GTF2IRD1: variants seen among roughly 807,000 people sequenced by gnomAD.
GTF2IRD1 encodes the protein GTF2I repeat domain containing 1.
GTF2IRD1 carries 26 observed loss-of-function variants against 113.2 expected under a neutral mutation model. That is an observed-to-expected ratio of 0.23 (90% CI 0.17 to 0.32). The LOEUF (loss-of-function observed/expected upper bound fraction) is 0.32. Among genes scored for constraint, GTF2IRD1 ranks in the 10% least tolerant of loss-of-function variants. The pLI is 1.00. For missense variants in GTF2IRD1, 864 were observed against 1,280.8 expected (o/e 0.67, Z 4.97); for synonymous variants, 484 against 529.1 (o/e 0.91, Z 1.17).
At chr7:74,539,160 A>C (rs1205833555) in intron 13 of GTF2IRD1, among the ~76,000 whole-genome samples, 1 of 152,166 alleles carries the variant, frequency 6.6e-6, no homozygotes, top group African/African-American at 2.4e-5. Context: ...AGAAGCCAAG[A>C]GGGTGCTGGG....
rs546537377 is a variant in GTF2IRD1 at position 74,508,930 on chromosome 7, G to T, written c.123+727G>T. On this transcript the variant is annotated intron_variant, in intron 2 of 26. Coordinates refer to ENST00000424337, the MANE Select transcript of GTF2IRD1 (RefSeq NM_005685.4). The stretch of plus-strand genomic sequence containing the variant: ...GGCAGGAAGAGAGAAACCGAGCTTT[G>T]TATAATACATCACTCCCCTGGCGCT... 3.3e-5 allele frequency among the ~76,000 whole-genome samples: 5 copies of T among 152,224 alleles called. No homozygotes were observed. In the East Asian group the frequency reaches 9.7e-4, roughly 29 times the overall value.
In GTF2IRD1 at chr7:74,496,594, GTGTGGGTGTGCATGTA is replaced by G. The variant is rs1462364597; in HGVS notation, c.-6-11469_-6-11454del. On this transcript the variant is annotated intron_variant, in intron 1 of 26. Coordinates refer to ENST00000424337, the MANE Select transcript of GTF2IRD1 (RefSeq NM_005685.4). ...TGTGGGTGTGCATGTGTGTGGGTGG[GTGTGGGTGTGCATGTA>G]TGTGGGTGTGCGTGTGGGTGTGCAT... is the stretch of plus-strand genomic sequence containing the variant. Among the ~76,000 whole-genome samples, 6 of 148,622 alleles carry G rather than the reference GTGTGGGTGTGCATGTA, an allele frequency of 4.0e-5. No homozygotes were observed. In the East Asian group the frequency reaches 1.0e-3, roughly 25 times the overall value.
chr7:74,462,281 A>G (rs1216331702), intron 1 of GTF2IRD1, among the ~76,000 whole-genome samples: 3 of 152,132 alleles, frequency 2.0e-5, no homozygotes, highest in African/African-American at 4.8e-5. Flanking sequence ...AGGCAGGAGG[A>G]TTGCTTGACC....
At chr7:74,527,715 G>A (rs782510353) in intron 8 of GTF2IRD1, among the ~76,000 whole-genome samples, 11 of 152,050 alleles carry the variant, frequency 7.2e-5, no homozygotes, top group Non-Finnish European at 1.5e-4. Context: ...GGTGGCACAC[G>A]CCTGTAATCC....
intron 4 of GTF2IRD1, 129 bp from the exon 5 acceptor site, chr7:74,518,010 G>A (rs1001537926): frequency 7.1e-6 from 4 of 560,064 alleles, no homozygotes; most frequent in Non-Finnish European, 1.2e-5. Flanking sequence ...CTGCAGTTAT[G>A]AGGGGTCCAT....
chr7:74,503,164 C>G (rs1796122001), intron 1 of GTF2IRD1, among the ~76,000 whole-genome samples: 1 of 124,860 alleles, frequency 8.0e-6, no homozygotes, highest in Non-Finnish European at 1.7e-5. Flanking sequence ...GAGACTCCAT[C>G]TCAAAAAAAA....
At chr7:74,454,286 C>A (rs1554326536) in intron 1 of GTF2IRD1, 110 bp downstream of exon 1, 1 of 151,760 alleles carries the variant, frequency 6.6e-6, no homozygotes, top group Non-Finnish European at 1.5e-5. Flanking sequence ...GCCCCTCCCC[C>A]TCTCAAGGTG....
intron 22 of GTF2IRD1, among the ~76,000 whole-genome samples, chr7:74,576,953 G>GCAAAGAT (rs1801112421): frequency 1.3e-5 from 2 of 152,038 alleles, no homozygotes; most frequent in African/African-American, 4.8e-5. Flanking sequence ...ATGAATCCAT[G>GCAAAGAT]CAAAGATCAA....
At chr7:74,554,250 C>T (rs1361517601) in intron 17 of GTF2IRD1, among the ~76,000 whole-genome samples, 4 of 152,182 alleles carry the variant, frequency 2.6e-5, no homozygotes, top group Admixed American at 2.6e-4. Context: ...TCCCAGTGTC[C>T]TCTACCCACC....
chr7:74,542,117 G>C (rs1798670475), intron 14 of GTF2IRD1, among the ~76,000 whole-genome samples: 1 of 151,556 alleles, frequency 6.6e-6, no homozygotes, highest in East Asian at 1.9e-4. Context: ...ACAAAAATAG[G>C]CTGGGCATGA....
intron 22 of GTF2IRD1, among the ~76,000 whole-genome samples, chr7:74,568,040 G>T (rs1445608851): frequency 4.6e-5 from 7 of 151,994 alleles, no homozygotes; most frequent in Non-Finnish European, 8.8e-5. Flanking sequence ...ACCTGCCTCA[G>T]CCTCCCAAAG....
intron 17 of GTF2IRD1, among the ~76,000 whole-genome samples, chr7:74,551,518 GA>G (rs1562862605): frequency 6.6e-6 from 1 of 152,230 alleles, no homozygotes; most frequent in East Asian, 1.9e-4. Flanking sequence ...ATGTCAGGTA[GA>G]GATAACTGCT....
chr7:74,564,336 C>CT (rs1462506789), intron 22 of GTF2IRD1, among the ~76,000 whole-genome samples: 1 of 152,020 alleles, frequency 6.6e-6, no homozygotes, highest in Non-Finnish European at 1.5e-5. Context: ...TGAGATTGTG[C>CT]TTTTTTGAAG....
chr7:74,581,846 A>T (rs1801438754), intron 22 of GTF2IRD1, among the ~76,000 whole-genome samples: 1 of 152,176 alleles, frequency 6.6e-6, no homozygotes, highest in Non-Finnish European at 1.5e-5. Flanking sequence ...GTCTCTACAA[A>T]TAACACAAAA....
chr7:74,556,933 C>G (rs1204570994), intron 19 of GTF2IRD1, among the ~76,000 whole-genome samples: 1 of 151,798 alleles, frequency 6.6e-6, no homozygotes, highest in Non-Finnish European at 1.5e-5. Flanking sequence ...CACACTTGGG[C>G]GTTTTTAATG....
rs1167468655 is a variant in GTF2IRD1, at chr7:74,562,555, C to CTTTTTTTTTTTTT, written c.2320+2917_2320+2929dup. Among the ~76,000 whole-genome samples the CTTTTTTTTTTTTT allele has an allele frequency of 1.1e-4, 7 of 62,702 alleles. 1 individual carries two copies. The highest frequency in any genetic ancestry group is 5.6e-4 in the African/African-American group (7 of 12,552). The allele number at this position is 62,702 out of a possible 152,430, so 41.1% of individuals were successfully genotyped here. A position where few individuals can be genotyped will look rare whatever the true frequency, so the allele number is the denominator to read the frequency against. On this transcript the variant is annotated intron_variant, in intron 22 of 26. Transcript: ENST00000424337. ...AGGACTATTTTCCGCCAATTGCCCT[C>CTTTTTTTTTTTTT]TTTTTTTTTTTTTTTTTTTTTTTTT...
chr7:74,536,504 A>T (rs985044155), intron 11 of GTF2IRD1, among the ~76,000 whole-genome samples: 4 of 152,138 alleles, frequency 2.6e-5, no homozygotes, highest in Admixed American at 1.3e-4. Flanking sequence ...CCTCTCTCAG[A>T]AGCCTCTAAA....
intron 17 of GTF2IRD1, among the ~76,000 whole-genome samples, chr7:74,553,386 G>A (rs1799420172): frequency 6.6e-6 from 1 of 151,996 alleles, no homozygotes; most frequent in Non-Finnish European, 1.5e-5. Flanking sequence ...AAACTCCTGG[G>A]CTCAAGCAAT....
At chr7:74,523,282 C>A (rs1797396906) in intron 7 of GTF2IRD1, among the ~76,000 whole-genome samples, 1 of 151,788 alleles carries the variant, frequency 6.6e-6, no homozygotes, top group African/African-American at 2.4e-5. Context: ...TCCCAGCTGC[C>A]TGGGGGGCCG....
Sources: allele counts gnomAD v4.1 joint callset (sites outside exome capture counted in the v4.1 genomes callset), GRCh38; gene constraint gnomAD v4.1.1; transcripts MANE v1.5; gene names NCBI Gene and HGNC (gene_info 2026-07-23, HGNC 2026-07-21).